The following ANLN variants were observed in gnomAD, a reference collection of about 807,000 sequenced individuals.
ANLN encodes the protein anillin.
In ANLN, 59 loss-of-function variants were observed where a neutral mutation model predicts 135.1. The observed-to-expected ratio is 0.44, with a 90% CI of 0.35 to 0.54. The LOEUF is 0.54. Ranked by LOEUF, ANLN falls within the 20% of genes least tolerant of loss-of-function variation. ANLN has a pLI of 0.00. For synonymous variants in ANLN, 406 were observed against 456.4 expected (o/e 0.89, Z 1.41); for missense variants, 1,182 against 1,340.0 (o/e 0.88, Z 1.84).
At chr7:36,402,603 C>T (rs77403743) in intron 3 of ANLN, among the ~76,000 whole-genome samples, 3,098 of 152,214 alleles carry the variant, frequency 0.02, 49 homozygotes, top group Middle Eastern at 0.054. Context: ...CTTTTTCAAA[C>T]GTATCTCTCT....
At chr7:36,438,962 C>T (rs1788657296) in intron 20 of ANLN, among the ~76,000 whole-genome samples, 1 of 152,168 alleles carries the variant, frequency 6.6e-6, no homozygotes, top group South Asian at 2.1e-4. Context: ...TTTTCTTTCT[C>T]ACATTAACTT....
Position 36,410,556 on chromosome 7 carries a change from G to A in ANLN, c.1139G>A (p.Arg380His), listed in dbSNP as rs145634440. ...CCTTTCCTGGAACGCTTTGGAGAGC[G>A]TTGTCAAGAACATAGCAAAGAAAGT... ...IKPFLERFGE[R>H]CQEHSKESPA... The change falls in exon 6 of 24, where the codon CGT becomes CAT. Residue 380 changes from arginine (R) to histidine (H), a missense_variant. Arg to His is a conservative substitution (Grantham distance 29). Coordinates refer to ENST00000265748, the MANE Select transcript of ANLN (RefSeq NM_018685.5). The A allele has an allele frequency of 5.6e-5, 91 of 1,613,382 alleles. No homozygotes were observed. The highest frequency in any genetic ancestry group is 7.0e-5 in the Non-Finnish European group (83 of 1,179,730).
intron 19 of ANLN, among the ~76,000 whole-genome samples, chr7:36,426,338 A>T (rs928067632): frequency 3.9e-5 from 6 of 152,172 alleles, no homozygotes; most frequent in African/African-American, 1.2e-4. Context: ...TGTGCTTTCC[A>T]TACTGCAGAT....
intron 3 of ANLN, among the ~76,000 whole-genome samples, chr7:36,404,337 A>G (rs1308811301): frequency 2.0e-5 from 3 of 152,162 alleles, no homozygotes; most frequent in Non-Finnish European, 2.9e-5. Context: ...TCCGCTGGGT[A>G]TATGTTCCAC....
intron 21 of ANLN, among the ~76,000 whole-genome samples, chr7:36,440,568 C>T (rs1224257826): frequency 2.6e-5 from 4 of 151,974 alleles, no homozygotes; most frequent in African/African-American, 7.3e-5. Context: ...AGGATTTTGT[C>T]AACATTTTGT....
chr7:36,424,780 A>C, intron 17 of ANLN, 38 bp downstream of exon 17: 1 of 1,568,896 alleles, frequency 6.4e-7, no homozygotes, highest in South Asian at 1.2e-5. Context: ...TATTTTCATC[A>C]GAAGTAATAG....
At position 36,401,663 on chromosome 7, in the gene ANLN, A is replaced by G. The variant is rs930254175; in HGVS notation, c.487+2270A>G. Among the ~76,000 whole-genome samples, 20 of 120,734 alleles carry G rather than the reference A, an allele frequency of 1.7e-4. 8 individuals carry two copies. The highest frequency in any genetic ancestry group is 5.4e-4 in the Admixed American group (7 of 12,932). The allele number at this position is 120,734 out of a possible 152,430, so 79.2% of individuals were successfully genotyped here. A position where few individuals can be genotyped will look rare whatever the true frequency, so the allele number is the denominator to read the frequency against. ...CACCTGATGTTTTTTGGCACATAGC[A>G]TAGTCTATGGTGTCAATTAATACCT... is the stretch of plus-strand genomic sequence containing the variant. On this transcript the variant is annotated intron_variant, in intron 3 of 23. Transcript: ENST00000265748.
rs1213050484 is a variant in ANLN, at chr7:36,406,533, G to A, written c.840G>A (p.Ala280=). 4 of 1,523,242 alleles carry A rather than the reference G, an allele frequency of 2.6e-6. No homozygotes were observed. The highest frequency in any genetic ancestry group is 1.3e-5 in the South Asian group (1 of 77,420). The allele number at this position is 1,523,242 out of a possible 1,614,324, so 94.4% of individuals were successfully genotyped here. Residue 280 remains alanine, a synonymous_variant, in exon 4 of 24, where the codon GCG becomes GCA. Transcript: ENST00000265748. ...NKALSSSADD[A]SLVNASISSS... ...CCCTATCCTCAAGTGCTGATGATGC[G>A]TCTTTGGTTAATGCCTCAATTTCCA...
intron 6 of ANLN, 116 bp from the exon 7 acceptor site, chr7:36,410,943 A>C (rs1787386030): frequency 9.7e-7 from 1 of 1,027,842 alleles, no homozygotes; most frequent in East Asian, 2.6e-5. Context: ...TTTAAACTGA[A>C]AACTGTTTAA....
intron 20 of ANLN, among the ~76,000 whole-genome samples, chr7:36,433,143 T>A (rs1788398745): frequency 6.6e-6 from 1 of 152,204 alleles, no homozygotes; most frequent in South Asian, 2.1e-4. Context: ...AAGAAACTTT[T>A]ATATTTTTAT....
intron 20 of ANLN, chr7:36,428,282 CTG>C: frequency 8.3e-7 from 1 of 1,211,010 alleles, no homozygotes; most frequent in South Asian, 1.4e-5. Flanking sequence ...CTTTTTTTCT[CTG>C]TCTCTTATTT....
intron 7 of ANLN, among the ~76,000 whole-genome samples, chr7:36,414,068 G>A (rs1177951851): frequency 1.3e-5 from 2 of 152,124 alleles, no homozygotes; most frequent in African/African-American, 4.8e-5. Flanking sequence ...GTATTGTTAC[G>A]TTTCAAATGT....
chr7:36,412,464 G>A (rs898038744), intron 7 of ANLN, among the ~76,000 whole-genome samples: 10 of 151,708 alleles, frequency 6.6e-5, no homozygotes, highest in Middle Eastern at 3.4e-3. Context: ...AAGTAGCTGG[G>A]ATTACAGGCA....
rs1787676739 is a variant in ANLN at position 36,417,126 on chromosome 7, A to G, written c.1569A>G (p.Thr523=). 1.2e-6 allele frequency: 2 copies of G among 1,609,728 alleles called. No homozygotes were observed. The highest frequency in any genetic ancestry group is 1.7e-6 in the Non-Finnish European group (2 of 1,178,502). ...EMTKSSPLKI[T]LFLEEDKSLK... The stretch of plus-strand genomic sequence containing the variant: ...CGAAATCTAGCCCTTTGAAAATAAC[A>G]TTGTTTTTAGAAGAGGACAAATCCT... Residue 523 remains threonine, a synonymous_variant, in exon 9 of 24, where the codon ACA becomes ACG. Coordinates refer to ENST00000265748, the MANE Select transcript of ANLN (RefSeq NM_018685.5).
chr7:36,452,015 C>G (rs963678041), intron 23 of ANLN, among the ~76,000 whole-genome samples: 1 of 152,210 alleles, frequency 6.6e-6, no homozygotes, highest in African/African-American at 2.4e-5. Flanking sequence ...ACAGTGCAAA[C>G]TAATATTACC....
At chr7:36,416,947 A>G (rs1787664854) in intron 8 of ANLN, 133 bp from the exon 9 acceptor site, 2 of 545,556 alleles carry the variant, frequency 3.7e-6, no homozygotes, top group Non-Finnish European at 6.4e-6. Flanking sequence ...GTTTCTATAC[A>G]TTTCTGGGTT....
intron 3 of ANLN, among the ~76,000 whole-genome samples, chr7:36,403,229 G>A (rs1051301089): frequency 6.6e-6 from 1 of 152,154 alleles, no homozygotes; most frequent in African/African-American, 2.4e-5. Flanking sequence ...AAGACCTAAC[G>A]ACTGGATGGT....
In ANLN at chr7:36,452,623, T is replaced by A; in HGVS notation, c.*23T>A. 1 of 1,610,962 alleles carries A rather than the reference T, an allele frequency of 6.2e-7. No individual in the cohort carries two copies. The highest frequency in any genetic ancestry group is 8.5e-7 in the Non-Finnish European group (1 of 1,177,870). ...TAAACCGGGAAATTTCCATGCTATC[T>A]AGAGGTTTTTGATGTCATCTTAAGA... On this transcript the variant is annotated 3_prime_UTR_variant, in exon 24 of 24. Transcript: ENST00000265748.
intron 1 of ANLN, among the ~76,000 whole-genome samples, chr7:36,391,414 G>A (rs1786455979): frequency 1.3e-5 from 2 of 152,178 alleles, no homozygotes; most frequent in South Asian, 4.1e-4. Flanking sequence ...ATGTCATTCT[G>A]AAGGTAGTAC....
Sources: gnomAD v4.1 joint callset for allele counts (sites outside exome capture counted in the v4.1 genomes callset) on GRCh38, gnomAD v4.1.1 for gene constraint, MANE v1.5 for transcripts, NCBI Gene and HGNC (gene_info 2026-07-23, HGNC 2026-07-21) for gene names.